The following PTDSS1 variants were observed in gnomAD, a reference collection of about 807,000 sequenced individuals.
PTDSS1 encodes PSS-1.
A neutral mutation model predicts 70.5 loss-of-function variants in PTDSS1; 45 were observed. The ratio of observed to expected loss-of-function variants is 0.64; its 90% CI spans 0.50 to 0.82. The LOEUF is 0.82. Ranked by LOEUF, PTDSS1 falls within the 40% of genes least tolerant of loss-of-function variation. The pLI is 0.00. For synonymous variants in PTDSS1, 188 were observed against 203.8 expected (o/e 0.92, Z 0.66); for missense variants, 417 against 586.1 (o/e 0.71, Z 2.98).
chr8:96,286,559 C>T (rs149473059), intron 3 of PTDSS1, among the ~76,000 whole-genome samples: 2 of 152,320 alleles, frequency 1.3e-5, no homozygotes, highest in East Asian at 3.9e-4. Context: ...TATTTCCCCA[C>T]TTAACTTACA....
Position 96,262,108 on chromosome 8 carries a change from T to A in PTDSS1, c.68T>A (p.Met23Lys). Residue 23 changes from methionine to lysine, a missense_variant, in exon 1 of 13, where the codon ATG becomes AAG. Physicochemically the swap from Met to Lys is moderately conservative, Grantham distance 95 (BLOSUM62 -1). This residue lies in a region of PTDSS1 where 38 missense variants were observed against 34.3 expected (regional missense o/e 1.11). Transcript: ENST00000517309. This position sits in a 1 kb window ranked among gnomAD's most constrained non-coding sequence, Gnocchi z 4.4. ...DDVNYKMHFR[M>K]INEQQVEDIT... is the part of the protein sequence containing the mutation. Reference sequence around the variant, plus strand: ...GTGAACTACAAAATGCATTTCCGGATGATCAACGAGCAGCAAGTGGAGGAC... The same window carrying A: ...GTGAACTACAAAATGCATTTCCGGAAGATCAACGAGCAGCAAGTGGAGGAC... 1 of 1,613,906 alleles carries A rather than the reference T, an allele frequency of 6.2e-7. No individual in the cohort carries two copies.
chr8:96,281,760 C>T (rs1810740813), intron 2 of PTDSS1, among the ~76,000 whole-genome samples: 1 of 152,156 alleles, frequency 6.6e-6, no homozygotes, highest in Admixed American at 6.5e-5. Flanking sequence ...GGAAAGTCCC[C>T]AGGTGCTCCT....
chr8:96,306,607 A>G (rs577436758), intron 8 of PTDSS1, 51 bp downstream of exon 8: 1 of 1,411,538 alleles, frequency 7.1e-7, no homozygotes, highest in African/African-American at 1.4e-5. Flanking sequence ...CTTGCTTTAG[A>G]TTGTCCTGTT....
intron 4 of PTDSS1, among the ~76,000 whole-genome samples, chr8:96,289,075 C>T (rs1810865921): frequency 6.6e-6 from 1 of 152,030 alleles, no homozygotes; most frequent in Non-Finnish European, 1.5e-5. Context: ...GCTGGGACTA[C>T]AGGCGCCTGC....
At chr8:96,324,028 G>A (rs1223997489) in intron 10 of PTDSS1, among the ~76,000 whole-genome samples, 2 of 152,132 alleles carry the variant, frequency 1.3e-5, no homozygotes, top group Admixed American at 1.3e-4. Flanking sequence ...TTGCCCTCAG[G>A]CTGCACACTC....
chr8:96,315,001 T>C (rs11786602), intron 9 of PTDSS1, among the ~76,000 whole-genome samples: 69,285 of 152,008 alleles, frequency 0.46, 16,375 homozygotes, highest in African/African-American at 0.52. Context: ...GAGTTTGCCA[T>C]CCAAGACCCG....
chr8:96,316,138 C>T (rs1563580744), intron 9 of PTDSS1, among the ~76,000 whole-genome samples: 1 of 152,288 alleles, frequency 6.6e-6, no homozygotes, highest in African/African-American at 2.4e-5. Context: ...CCCATGTGAT[C>T]GTTGGGTTCC....
In PTDSS1 at chr8:96,331,022, C is replaced by T. The variant is rs749410849; in HGVS notation, c.1243-4C>T. 1.1e-5 allele frequency: 17 copies of T among 1,612,170 alleles called. No homozygotes were observed. The African/African-American group carries it at 1.7e-4, about 16-fold the overall frequency. On this transcript the variant is annotated splice_region_variant and splice_polypyrimidine_tract_variant and intron_variant, in intron 11 of 12. Coordinates refer to ENST00000517309, the MANE Select transcript of PTDSS1 (RefSeq NM_014754.3). ...TCCTGCACTAAGCCTGTCTCTCTCC[C>T]TAGACCTACTCGGAGTGTGAAGATG...
intron 2 of PTDSS1, among the ~76,000 whole-genome samples, chr8:96,276,197 C>T (rs908076373): frequency 3.9e-5 from 6 of 152,312 alleles, no homozygotes; most frequent in Admixed American, 1.3e-4. Flanking sequence ...GTGATTTGTA[C>T]AGGCGTCCCT....
At position 96,262,278 on chromosome 8, in the gene PTDSS1, A is replaced by AGGGGGGGGGAGGGG; in HGVS notation, c.179+62_179+63insGGGGGGAGGGGGGG. The stretch of plus-strand genomic sequence containing the variant: ...AAGGGCTAGGGAAGAGGCGGGAGGG[A>AGGGGGGGGGAGGGG]GGGTGGCGGGGAGGGGGGCCCGGCA... On this transcript the variant is annotated intron_variant, in intron 1 of 12. Coordinates refer to ENST00000517309, the MANE Select transcript of PTDSS1 (RefSeq NM_014754.3). The surrounding 1 kb of genome is among the most constrained non-coding windows in gnomAD (Gnocchi z 4.4). 1 of 269,044 alleles carries AGGGGGGGGGAGGGG rather than the reference A, an allele frequency of 3.7e-6. No individual in the cohort carries two copies. The highest frequency in any genetic ancestry group is 3.6e-5 in the South Asian group (1 of 27,986). The allele number at this position is 269,044 out of a possible 1,614,324, so 16.7% of individuals were successfully genotyped here.
chr8:96,317,302 G>A (rs1417392267), intron 9 of PTDSS1, among the ~76,000 whole-genome samples: 1 of 151,822 alleles, frequency 6.6e-6, no homozygotes, highest in East Asian at 1.9e-4. Context: ...TAATCCCATA[G>A]CCGGCCCCCT....
In PTDSS1 at chr8:96,262,318, G is replaced by A. The variant is rs1232210682; in HGVS notation, c.179+99G>A. ...GGGGCCCGGCATGGCTCTGGGTGAG[G>A]AAGTGGGCTGGCTGCTCCACGCACA... On this transcript the variant is annotated intron_variant, in intron 1 of 12. Transcript: ENST00000517309. This position sits in a 1 kb window ranked among gnomAD's most constrained non-coding sequence, Gnocchi z 4.4. 5 of 1,401,292 alleles carry A rather than the reference G, an allele frequency of 3.6e-6. No individual in the cohort carries two copies. The African/African-American group carries it at 7.2e-5, about 20-fold the overall frequency. The allele number at this position is 1,401,292 out of a possible 1,614,324, so 86.8% of individuals were successfully genotyped here.
At chr8:96,291,281 A>C (rs1586192416) in intron 4 of PTDSS1, among the ~76,000 whole-genome samples, 1 of 152,160 alleles carries the variant, frequency 6.6e-6, no homozygotes, top group Admixed American at 6.5e-5. Context: ...GAATTTTATT[A>C]TGAAAAATTT....
chr8:96,261,913 C>T lies in PTDSS1; in HGVS notation c.-128C>T, dbSNP rs1810405680. 9.7e-7 allele frequency: 1 copy of T among 1,029,748 alleles called. No homozygotes were observed. Among genetic ancestry groups the T allele is most frequent in the African/African-American group, 1.6e-5 (1 of 60,820 alleles). The allele number at this position is 1,029,748 out of a possible 1,614,324, so 63.8% of individuals were successfully genotyped here. A position where few individuals can be genotyped will look rare whatever the true frequency, so the allele number is the denominator to read the frequency against. On this transcript the variant is annotated 5_prime_UTR_variant, in exon 1 of 13. Coordinates refer to ENST00000517309, the MANE Select transcript of PTDSS1 (RefSeq NM_014754.3). ...TCGCGCCTGTCCTTCCCTCTGCTCC[C>T]AGCCTTTGCTGGGCGCCAGACCCGG...
intron 9 of PTDSS1, 69 bp from the exon 10 acceptor site, chr8:96,320,177 A>T (rs1304736582): frequency 6.1e-6 from 8 of 1,306,426 alleles, no homozygotes; most frequent in Non-Finnish European, 8.8e-6. Context: ...TCAATCATGC[A>T]TATTTTGGAT....
At chr8:96,299,623 G>C in intron 5 of PTDSS1, 71 bp from the exon 6 acceptor site, 1 of 1,417,378 alleles carries the variant, frequency 7.1e-7, no homozygotes, top group South Asian at 1.4e-5. Context: ...TTGTTAAAAA[G>C]GAAATCTATC....
chr8:96,326,603 G>A (rs1417497275), intron 10 of PTDSS1, among the ~76,000 whole-genome samples: 1 of 152,220 alleles, frequency 6.6e-6, no homozygotes, highest in Non-Finnish European at 1.5e-5. Flanking sequence ...CAGGAAGGTG[G>A]TGACCTGTTT....
chr8:96,284,511 G>A (rs1810793727), intron 3 of PTDSS1, among the ~76,000 whole-genome samples: 1 of 152,148 alleles, frequency 6.6e-6, no homozygotes, highest in African/African-American at 2.4e-5. Flanking sequence ...CATTTGTCTT[G>A]TGAGCATCTG....
intron 9 of PTDSS1, among the ~76,000 whole-genome samples, chr8:96,317,783 C>T (rs925378897): frequency 1.3e-5 from 2 of 151,826 alleles, no homozygotes; most frequent in African/African-American, 4.8e-5. Context: ...ATTATGAAGC[C>T]AGTGATTGGG....
Sources: allele counts gnomAD v4.1 joint callset (sites outside exome capture counted in the v4.1 genomes callset), GRCh38; gene constraint gnomAD v4.1.1; regional missense constraint gnomAD v4.1.1; non-coding constraint Gnocchi (gnomAD v3.1); transcripts MANE v1.5; gene names NCBI Gene and HGNC (gene_info 2026-07-23, HGNC 2026-07-21).